CAPZB: variants seen among roughly 807,000 people sequenced by gnomAD.
CAPZB encodes F-actin-capping protein subunit beta.
Under a neutral mutation model 38.1 loss-of-function variants are expected in CAPZB, and 2 were observed. The ratio of observed to expected loss-of-function variants is 0.05; its 90% CI spans 0.02 to 0.17. The LOEUF is 0.17. Among genes scored for constraint, CAPZB ranks in the 10% least tolerant of loss-of-function variants. CAPZB has a pLI of 1.00. For missense variants in CAPZB, 161 were observed against 334.2 expected, an observed-to-expected ratio of 0.48 and a Z score of 4.04; for synonymous variants, 107 against 127.4, an observed-to-expected ratio of 0.84 and a Z score of 1.08.
chr1:19,468,915 G>A (rs1180082194), intron 1 of CAPZB, among the ~76,000 whole-genome samples: 1 of 152,050 alleles, frequency 6.6e-6, no homozygotes, highest in Non-Finnish European at 1.5e-5. Context: ...TCAGCGAGAC[G>A]CCTCCTTCAA....
At chr1:19,433,545 T>G (rs2094448990) in intron 1 of CAPZB, among the ~76,000 whole-genome samples, 2 of 152,150 alleles carry the variant, frequency 1.3e-5, no homozygotes, top group Admixed American at 1.3e-4. Flanking sequence ...TCCAAAGACA[T>G]CGGGGAGAAG....
chr1:19,354,912 T>C (rs1399907357), intron 6 of CAPZB, among the ~76,000 whole-genome samples: 1 of 152,140 alleles, frequency 6.6e-6, no homozygotes, highest in Non-Finnish European at 1.5e-5. Context: ...CCCTAGCCAA[T>C]GGCCCCTGGA....
intron 2 of CAPZB, among the ~76,000 whole-genome samples, chr1:19,403,396 G>A (rs1417333086): frequency 6.6e-6 from 1 of 152,228 alleles, no homozygotes; most frequent in African/African-American, 2.4e-5. Flanking sequence ...ATGGGAAGAT[G>A]AGCAGTTAGA....
At chr1:19,429,154 G>A (rs566218885) in intron 1 of CAPZB, among the ~76,000 whole-genome samples, 1 of 152,272 alleles carries the variant, frequency 6.6e-6, no homozygotes, top group South Asian at 2.1e-4. Context: ...ACAGCACCCT[G>A]TGTCTGCTTT....
intron 1 of CAPZB, among the ~76,000 whole-genome samples, chr1:19,422,279 C>T (rs775604508): frequency 6.6e-6 from 1 of 152,212 alleles, no homozygotes; most frequent in Non-Finnish European, 1.5e-5. Flanking sequence ...TGCTTCTAAA[C>T]ATCCCAAAAC....
At chr1:19,360,253 G>A (rs1194837198) in intron 4 of CAPZB, among the ~76,000 whole-genome samples, 2 of 152,190 alleles carry the variant, frequency 1.3e-5, no homozygotes, top group Non-Finnish European at 2.9e-5. Context: ...GGCAACAGAT[G>A]GCTTGGTTCT....
At chr1:19,396,786 C>CA (rs35949767) in intron 2 of CAPZB, among the ~76,000 whole-genome samples, 16,231 of 121,214 alleles carry the variant, frequency 0.13, 1,023 homozygotes, top group East Asian at 0.23. Flanking sequence ...AATAAAAATA[C>CA]AAAAAAAAAA....
rs71008151 is a variant in CAPZB at position 19,366,283 on chromosome 1, A to AATAAATAAAT, written c.330-8721_330-8720insATTTATTTAT. 1.2e-4 allele frequency among the ~76,000 whole-genome samples: 7 copies of AATAAATAAAT among 60,500 alleles called. 1 individual carries two copies. Among genetic ancestry groups the AATAAATAAAT allele is most frequent in the Admixed American group, 1.7e-4 (1 of 5,914 alleles). 39.7% of individuals were successfully genotyped at this position (60,500 alleles called of 152,430 possible). Reference sequence around the variant, plus strand: ...GCAACATAGTGAGACCGTGTCTTAAAATATATATATATATATATATATATA... The same window carrying AATAAATAAAT: ...GCAACATAGTGAGACCGTGTCTTAAAATAAATAAATATATATATATATATATATATATATA... On this transcript the variant is annotated intron_variant, in intron 4 of 8. Coordinates refer to ENST00000264202, the MANE Select transcript of CAPZB (RefSeq NM_004930.5).
At chr1:19,456,737 C>T (rs541616740) in intron 1 of CAPZB, among the ~76,000 whole-genome samples, 7 of 152,150 alleles carry the variant, frequency 4.6e-5, no homozygotes, top group African/African-American at 9.7e-5. Context: ...GCAAACAGAG[C>T]GGCCGATGGC....
At chr1:19,355,538 A>T (rs1022349179) in intron 6 of CAPZB, among the ~76,000 whole-genome samples, 1 of 152,094 alleles carries the variant, frequency 6.6e-6, no homozygotes, top group African/African-American at 2.4e-5. Flanking sequence ...CCTTTCGGTC[A>T]TATTTTTTCT....
intron 3 of CAPZB, 110 bp downstream of exon 3, chr1:19,385,395 G>T: frequency 1.6e-6 from 2 of 1,256,316 alleles, no homozygotes; most frequent in South Asian, 1.3e-5. Flanking sequence ...AAGGAAAGCT[G>T]AATGGGCTGC....
chr1:19,393,769 G>A (rs574872126), intron 2 of CAPZB, among the ~76,000 whole-genome samples: 3 of 152,228 alleles, frequency 2.0e-5, no homozygotes, highest in African/African-American at 4.8e-5. Context: ...TGCAGGGCTG[G>A]GCTCTCCTGC....
chr1:19,452,961 G>C (rs2094521601), intron 1 of CAPZB, among the ~76,000 whole-genome samples: 1 of 151,710 alleles, frequency 6.6e-6, no homozygotes, highest in Non-Finnish European at 1.5e-5. Flanking sequence ...CTGTCACCAT[G>C]CCCAACTAAT....
chr1:19,483,942 T>A (rs1031447004), intron 1 of CAPZB, among the ~76,000 whole-genome samples: 1 of 152,204 alleles, frequency 6.6e-6, no homozygotes, highest in African/African-American at 2.4e-5. Context: ...CAAAACACTT[T>A]GAGGCCCAAA....
At chr1:19,393,817 T>C (rs894536427) in intron 2 of CAPZB, among the ~76,000 whole-genome samples, 1 of 152,200 alleles carries the variant, frequency 6.6e-6, no homozygotes, top group Non-Finnish European at 1.5e-5. Context: ...AGATCCGACA[T>C]GTGACCTTTC....
At chr1:19,453,707 CTG>C (rs1388965337) in intron 1 of CAPZB, among the ~76,000 whole-genome samples, 5 of 152,360 alleles carry the variant, frequency 3.3e-5, no homozygotes, top group African/African-American at 1.2e-4. Flanking sequence ...CTCAAAATGA[CTG>C]TGTTTGTATC....
chr1:19,380,317 A>C (rs2094167324), intron 3 of CAPZB, among the ~76,000 whole-genome samples: 1 of 152,210 alleles, frequency 6.6e-6, no homozygotes, highest in Non-Finnish European at 1.5e-5. Context: ...TTCCAAGCTG[A>C]CCACTTTCTG....
chr1:19,363,518 G>A (rs563486137), intron 4 of CAPZB, among the ~76,000 whole-genome samples: 165 of 152,134 alleles, frequency 1.1e-3, no homozygotes, highest in Non-Finnish European at 1.8e-3. Context: ...TTCTATGTCC[G>A]TAACTTTTCA....
At chr1:19,342,490 T>G (rs931686734) in intron 8 of CAPZB, among the ~76,000 whole-genome samples, 2 of 152,184 alleles carry the variant, frequency 1.3e-5, no homozygotes, top group Non-Finnish European at 2.9e-5. Flanking sequence ...GGCCTGGGCT[T>G]CTTCAGAAGC....
Sources: allele counts gnomAD v4.1 joint callset (sites outside exome capture counted in the v4.1 genomes callset), GRCh38; gene constraint gnomAD v4.1.1; transcripts MANE v1.5; gene names NCBI Gene and HGNC (gene_info 2026-07-23, HGNC 2026-07-21).